The following NTN1 variants were observed in gnomAD, a reference collection of about 807,000 sequenced individuals.
NTN1 encodes netrin-1.
Under a neutral mutation model 54.2 loss-of-function variants are expected in NTN1, and 11 were observed. That is an observed-to-expected ratio of 0.20 (90% confidence interval 0.13 to 0.34). The LOEUF is 0.34. Ranked by LOEUF, NTN1 falls within the 10% of genes least tolerant of loss-of-function variation. NTN1 has a pLI of 1.00. For missense variants in NTN1, 740 were observed against 893.1 expected, an observed-to-expected ratio of 0.83 and a Z score of 2.18; for synonymous variants, 371 against 382.0, an observed-to-expected ratio of 0.97 and a Z score of 0.33.
rs148027091 is a variant in NTN1, at chr17:9,183,396, G to A, written c.1411+427G>A. On this transcript the variant is annotated intron_variant, in intron 5 of 6. Transcript: ENST00000173229. ...AATGCAGGGGGCCCAGGAGCTGGGC[G>A]TGGGGGAGAATCACATCTTCATTTT... is the stretch of plus-strand genomic sequence containing the variant. The A allele has an allele frequency of 5.6e-4, 254 of 451,146 alleles. 2 individuals carry two copies. The East Asian group carries it at 0.013, about 24-fold the overall frequency. The allele number at this position is 451,146 out of a possible 1,614,324, so 27.9% of individuals were successfully genotyped here.
At chr17:9,127,596 G>A (rs1034615687) in intron 2 of NTN1, among the ~76,000 whole-genome samples, 2 of 152,034 alleles carry the variant, frequency 1.3e-5, no homozygotes, top group East Asian at 1.9e-4. Flanking sequence ...GGACACACTC[G>A]GTGTCTACTG....
intron 2 of NTN1, among the ~76,000 whole-genome samples, chr17:9,092,328 T>C (rs2092114130): frequency 7.0e-6 from 1 of 143,080 alleles, no homozygotes; most frequent in Non-Finnish European, 1.5e-5. Context: ...TCTTTTTTTT[T>C]TTTTTTTTTT....
chr17:9,187,195 C>T (rs544710596), intron 5 of NTN1, among the ~76,000 whole-genome samples: 5 of 152,084 alleles, frequency 3.3e-5, no homozygotes, highest in South Asian at 4.2e-4. Context: ...TCCAGAAAGG[C>T]GGGATTGGGG....
At chr17:9,136,366 G>T (rs1379732347) in intron 2 of NTN1, among the ~76,000 whole-genome samples, 1 of 152,196 alleles carries the variant, frequency 6.6e-6, no homozygotes, top group Non-Finnish European at 1.5e-5. Context: ...CTGAGGTCAG[G>T]AGTTCTAGAC....
chr17:9,052,017 G>C (rs2091962189), intron 2 of NTN1, among the ~76,000 whole-genome samples: 1 of 151,738 alleles, frequency 6.6e-6, no homozygotes, highest in South Asian at 2.1e-4. Flanking sequence ...TTGCTGCCTA[G>C]GCTGGTATGC....
At chr17:9,105,180 A>G (rs1393748198) in intron 2 of NTN1, among the ~76,000 whole-genome samples, 1 of 152,200 alleles carries the variant, frequency 6.6e-6, no homozygotes, top group East Asian at 1.9e-4. Flanking sequence ...CCTGGCCTTT[A>G]GGAAGAGCCC....
chr17:9,203,728 G>A (rs1331873988), intron 5 of NTN1, among the ~76,000 whole-genome samples: 4 of 152,036 alleles, frequency 2.6e-5, no homozygotes, highest in South Asian at 2.1e-4. Flanking sequence ...ACTTGAACCC[G>A]GGAGGTGGAG....
intron 2 of NTN1, among the ~76,000 whole-genome samples, chr17:9,052,461 A>G (rs1330583264): frequency 1.3e-5 from 2 of 152,226 alleles, no homozygotes; most frequent in African/African-American, 4.8e-5. Context: ...CTTGTTGGTA[A>G]TAGGTACATC....
chr17:9,132,920 C>T (rs2092270178), intron 2 of NTN1, among the ~76,000 whole-genome samples: 3 of 152,076 alleles, frequency 2.0e-5, no homozygotes, highest in Admixed American at 6.5e-5. Context: ...TACCAAATTC[C>T]CTTTAACTGA....
At chr17:9,133,279 G>A (rs146696056) in intron 2 of NTN1, among the ~76,000 whole-genome samples, 17 of 152,344 alleles carry the variant, frequency 1.1e-4, no homozygotes, top group African/African-American at 3.6e-4. Flanking sequence ...CCAGGCTTCC[G>A]GAGAGGTAGT....
chr17:9,021,120 G>C (rs560979267), upstream of NTN1, among the ~76,000 whole-genome samples: 1 of 152,256 alleles, frequency 6.6e-6, no homozygotes, highest in Admixed American at 6.5e-5. Context: ...GTTTGGCTGG[G>C]ACCGGGAGGG....
chr17:9,227,460 TCACACACAGTCACACAC>T (rs1905617718), intron 6 of NTN1, among the ~76,000 whole-genome samples: 4 of 139,054 alleles, frequency 2.9e-5, no homozygotes, highest in African/African-American at 8.6e-5. Context: ...ACACAGACTG[TCACACACAGTCACACAC>T]ATAGCACACA....
chr17:9,030,888 A>G (rs2091886514), intron 2 of NTN1, among the ~76,000 whole-genome samples: 1 of 152,194 alleles, frequency 6.6e-6, no homozygotes, highest in African/African-American at 2.4e-5. Context: ...TTCTCAACTC[A>G]GCTAGTGCCT....
chr17:9,127,361 C>T (rs573302513), intron 2 of NTN1, among the ~76,000 whole-genome samples: 10 of 152,048 alleles, frequency 6.6e-5, no homozygotes, highest in Admixed American at 1.3e-4. Flanking sequence ...TTTGTGGGAG[C>T]GAAAAGAAGG....
At chr17:9,155,153 G>A (rs1431228575) in intron 2 of NTN1, among the ~76,000 whole-genome samples, 2 of 152,116 alleles carry the variant, frequency 1.3e-5, no homozygotes, top group African/African-American at 2.4e-5. Flanking sequence ...TGACAGCTCT[G>A]GTCACCGTTG....
chr17:9,178,625 T>G (rs565437578), intron 3 of NTN1, among the ~76,000 whole-genome samples: 1 of 152,228 alleles, frequency 6.6e-6, no homozygotes, highest in South Asian at 2.1e-4. Context: ...CATTCTTGGG[T>G]TTTTTGGTCC....
At chr17:9,233,133 T>G (rs1047884228) in intron 6 of NTN1, among the ~76,000 whole-genome samples, 4 of 151,918 alleles carry the variant, frequency 2.6e-5, no homozygotes, top group Non-Finnish European at 5.9e-5. Flanking sequence ...TGGGAGCCAC[T>G]GGGGGCCCAC....
Position 9,023,175 on chromosome 17 carries a change from G to T in NTN1, c.802G>T (p.Ala268Ser). Residue 268 changes from alanine (A) to serine (S), a missense_variant, in exon 2 of 7, where the codon GCG (alanine) becomes TCG (serine). Coordinates refer to ENST00000173229, the MANE Select transcript of NTN1 (RefSeq NM_004822.3). ...GDENEDDSEL[A>S]RDSYFYAVSD... ...CGAGAACGAGGACGACTCGGAGCTG[G>T]CGCGCGACTCGTACTTCTACGCGGT... 1 of 1,563,112 alleles carries T rather than the reference G, an allele frequency of 6.4e-7. No homozygotes were observed.
In NTN1 at chr17:9,022,966, AGC is replaced by A. The variant is rs1219242408; in HGVS notation, c.594_595del (p.Gln199GlyfsTer143). 1 of 1,611,104 alleles carries A rather than the reference AGC, an allele frequency of 6.2e-7. No homozygotes were observed. The highest frequency in any genetic ancestry group is 8.5e-7 in the Non-Finnish European group (1 of 1,179,518). ...CGCGCGCCCATCACCAAGCAGAACGAGCAGGAGGCCGTGTGCACCGACTCGCA... is the reference window on the plus strand; with the variant it reads ...CGCGCGCCCATCACCAAGCAGAACGAAGGAGGCCGTGTGCACCGACTCGCA... On this transcript the variant is annotated frameshift_variant, in exon 2 of 7. Coordinates refer to ENST00000173229, the MANE Select transcript of NTN1 (RefSeq NM_004822.3). LOFTEE classifies it high-confidence loss of function.
Sources: allele counts gnomAD v4.1 joint callset (sites outside exome capture counted in the v4.1 genomes callset), GRCh38; gene constraint gnomAD v4.1.1; transcripts MANE v1.5; gene names NCBI Gene and HGNC (gene_info 2026-07-23, HGNC 2026-07-21).